OOEP: variants seen among roughly 807,000 people sequenced by gnomAD.
The protein encoded by OOEP is oocyte-expressed protein homolog.
A neutral mutation model predicts 13.7 loss-of-function variants in OOEP; 16 were observed. The ratio of observed to expected loss-of-function variants is 1.16; its 90% CI spans 0.79 to 1.77. OOEP has a LOEUF of 1.77. OOEP is among the 40% of genes most tolerant of loss of function. The pLI is 0.00. For synonymous variants in OOEP, 89 were observed against 77.1 expected, an observed-to-expected ratio of 1.15 and a Z score of -0.81; for missense variants, 195 against 193.1, an observed-to-expected ratio of 1.01 and a Z score of -0.06.
chr6:73,391,242 C>G (rs74741267), intron 2 of OOEP: 5,086 of 152,474 alleles, frequency 0.033, 330 homozygotes, highest in East Asian at 0.16. Context: ...GGAGTAACAA[C>G]ACACTGAGTC....
intron 2 of OOEP, among the ~76,000 whole-genome samples, chr6:73,389,019 ATGC>A (rs1769311279): frequency 1.9e-5 from 1 of 53,274 alleles, no homozygotes; most frequent in Non-Finnish European, 3.9e-5. Context: ...AGCGGTGCAA[ATGC>A]GAAGCCGCGA....
rs1554233273 is a variant in OOEP, at chr6:73,379,657, A to AG, written c.26-10273_26-10272insC. Among the ~76,000 whole-genome samples the AG allele has an allele frequency of 1.1e-4, 12 of 110,928 alleles. 3 individuals carry two copies. Among genetic ancestry groups the AG allele is most frequent in the Admixed American group, 2.3e-4 (2 of 8,774 alleles). The allele number at this position is 110,928 out of a possible 152,430, so 72.8% of individuals were successfully genotyped here. ...CTATCTCAAAAAAAAAAAAAAAAAA[A>AG]AAAAGTGGCCTTATTTTACATGTTT... On this transcript the variant is annotated intron_variant, in intron 2 of 3. Coordinates refer to the OOEP transcript ENST00000370363.
At chr6:73,381,668 G>A (rs565191582) in intron 2 of OOEP, among the ~76,000 whole-genome samples, 7 of 152,220 alleles carry the variant, frequency 4.6e-5, no homozygotes, top group East Asian at 1.9e-4. Context: ...GAGGTGGGCC[G>A]GCGTGGGGGG....
upstream of OOEP, among the ~76,000 whole-genome samples, chr6:73,370,396 T>G (rs143693809): frequency 8.2e-3 from 1,247 of 152,266 alleles, 16 homozygotes; most frequent in African/African-American, 0.029. Context: ...AGTTAGACAA[T>G]TTTCCTTTAT....
At chr6:73,391,245 A>G (rs890927724) in intron 2 of OOEP, 1 of 152,462 alleles carries the variant, frequency 6.6e-6, no homozygotes, top group African/African-American at 2.4e-5. Context: ...GTAACAACAC[A>G]CTGAGTCTTG....
At chr6:73,384,345 A>G (rs1769243100) in intron 2 of OOEP, among the ~76,000 whole-genome samples, 1 of 152,212 alleles carries the variant, frequency 6.6e-6, no homozygotes, top group African/African-American at 2.4e-5. Context: ...GGCTTTACTG[A>G]TGAATCCAAC....
At chr6:73,387,106 G>GTA (rs755098773) in intron 2 of OOEP, among the ~76,000 whole-genome samples, 6 of 148,506 alleles carry the variant, frequency 4.0e-5, no homozygotes, top group East Asian at 4.0e-4. Flanking sequence ...GTTTATATAT[G>GTA]TATATATATA....
intron 2 of OOEP, among the ~76,000 whole-genome samples, chr6:73,393,660 A>C (rs1022506887): frequency 2.0e-5 from 3 of 152,110 alleles, no homozygotes; most frequent in Non-Finnish European, 4.4e-5. Context: ...TCTTGTCTTT[A>C]CAAAATAATT....
exon 1 of OOEP, chr6:73,394,844 G>T (rs1481503751): frequency 1.3e-6 from 2 of 1,581,692 alleles, no homozygotes; most frequent in South Asian, 1.2e-5. Flanking sequence ...CTCTTACGAC[G>T]TCACGGTCAG....
At chr6:73,371,821 G>A (rs1048372153), upstream of OOEP, among the ~76,000 whole-genome samples, 6 of 151,938 alleles carry the variant, frequency 3.9e-5, no homozygotes, top group Non-Finnish European at 5.9e-5. Flanking sequence ...CCAGCTACTC[G>A]AAAGGATGAG....
At chr6:73,385,149 A>G (rs898028797) in intron 2 of OOEP, among the ~76,000 whole-genome samples, 6 of 151,698 alleles carry the variant, frequency 4.0e-5, no homozygotes, top group South Asian at 4.1e-4. Flanking sequence ...GATTGAGACC[A>G]TCCTGGCTAA....
intron 2 of OOEP, among the ~76,000 whole-genome samples, chr6:73,381,205 T>TAAAAAAAAAAAAAAAA (rs66507015): frequency 4.0e-5 from 4 of 100,988 alleles, no homozygotes; most frequent in Admixed American, 1.1e-4. Context: ...AAAAAAGTGT[T>TAAAAAAAAAAAAAAAA]AAAAAAAAAA....
intron 2 of OOEP, among the ~76,000 whole-genome samples, chr6:73,382,214 ATTTTT>A (rs70994196): frequency 3.1e-5 from 3 of 98,104 alleles, no homozygotes; most frequent in East Asian, 3.2e-4. Context: ...CACCTGGCTA[ATTTTT>A]TTTTTTTTTT....
Position 73,369,385 on chromosome 6 carries a change from C to A in OOEP, c.191G>T (p.Gly64Val). ...TTCTGGAATTATGGCTCGGTCTGGG[C>A]CTAAACAAGTAAGGAAAAACTCTGA... is the stretch of plus-strand genomic sequence containing the variant. ...LEAWLADELFGPDRAIIPEME... is the reference protein window; with the variant it reads ...LEAWLADELFVPDRAIIPEME... The change falls in exon 2 of 3, where the codon GGC (glycine) becomes GTC (valine). Residue 64 changes from glycine to valine, a missense_variant and splice_region_variant. Transcript: ENST00000370359. 1 of 1,608,520 alleles carries A rather than the reference C, an allele frequency of 6.2e-7. No homozygotes were observed. The highest frequency in any genetic ancestry group is 8.5e-7 in the Non-Finnish European group (1 of 1,177,592).
intron 1 of OOEP, chr6:73,394,573 T>C: frequency 2.4e-6 from 1 of 419,214 alleles, no homozygotes; most frequent in Non-Finnish European, 4.2e-6. Flanking sequence ...GGGAGCAAAT[T>C]GGGCGTTTGG....
At chr6:73,379,111 A>G (rs1042731096) in intron 2 of OOEP, among the ~76,000 whole-genome samples, 2 of 151,324 alleles carry the variant, frequency 1.3e-5, no homozygotes, top group African/African-American at 2.4e-5. Context: ...TGCAACCTCT[A>G]CCTCCAGGGT....
chr6:73,385,206 G>T (rs1769254860), intron 2 of OOEP, among the ~76,000 whole-genome samples: 1 of 151,796 alleles, frequency 6.6e-6, no homozygotes, highest in Admixed American at 6.6e-5. Context: ...AATTAGCCGG[G>T]TGTGGTGGCG....
upstream of OOEP, chr6:73,373,205 T>C: frequency 6.2e-7 from 1 of 1,612,866 alleles, no homozygotes; most frequent in Non-Finnish European, 8.5e-7. Context: ...AATGGGACGA[T>C]TTTGCTTTTG....
At chr6:73,370,175 A>C, upstream of OOEP, 1 of 195,430 alleles carries the variant, frequency 5.1e-6, no homozygotes, top group Non-Finnish European at 1.1e-5. Flanking sequence ...ACTGGGAATC[A>C]CCTTTGCTGG....
Sources: allele counts gnomAD v4.1 joint callset (sites outside exome capture counted in the v4.1 genomes callset), GRCh38; gene constraint gnomAD v4.1.1; transcripts MANE v1.5; gene names NCBI Gene and HGNC (gene_info 2026-07-23, HGNC 2026-07-21).